SHF: variants seen among roughly 807,000 people sequenced by gnomAD.
SHF encodes Src homology 2 domain containing F.
In SHF, 30 loss-of-function variants were observed where a neutral mutation model predicts 42.4. The observed-to-expected ratio is 0.71, with a 90% confidence interval of 0.53 to 0.96. SHF has a LOEUF of 0.96. Among genes scored for constraint, SHF ranks in the 40% least tolerant of loss-of-function variants. The pLI, the probability that SHF is intolerant of heterozygous loss-of-function variation, is 0.00. For synonymous variants in SHF, 264 were observed against 269.9 expected, an observed-to-expected ratio of 0.98 and a Z score of 0.21; for missense variants, 598 against 634.0, an observed-to-expected ratio of 0.94 and a Z score of 0.61.
intron 4 of SHF, 82 bp downstream of exon 4, chr15:45,173,494 C>T (rs1897629927): frequency 7.0e-7 from 1 of 1,426,414 alleles, no homozygotes; most frequent in African/African-American, 1.4e-5. Flanking sequence ...TCCTGCCCCA[C>T]CTCTCAGCTC....
chr15:45,168,798 G>C (rs559160684), intron 6 of SHF, among the ~76,000 whole-genome samples: 81 of 152,282 alleles, frequency 5.3e-4, no homozygotes, highest in African/African-American at 1.9e-3. Context: ...TCACTCCCTT[G>C]CTCAGAGGAG....
At chr15:45,194,415 G>A (rs553403277) in intron 2 of SHF, among the ~76,000 whole-genome samples, 2 of 151,754 alleles carry the variant, frequency 1.3e-5, no homozygotes, top group South Asian at 4.2e-4. Flanking sequence ...GCAGTGGCGC[G>A]ATCTTGGCTC....
chr15:45,186,559 G>C (rs2141416006), intron 1 of SHF, among the ~76,000 whole-genome samples: 1 of 152,348 alleles, frequency 6.6e-6, no homozygotes, highest in East Asian at 1.9e-4. Flanking sequence ...GCCAGGGAGG[G>C]ATAAGGCCAA....
At position 45,168,051 on chromosome 15, in the gene SHF, T is replaced by C; in HGVS notation, c.1363A>G (p.Ser455Gly). ...YVLGQNSPPF[S>G]SVPEIVHHYA... ...TGGTGCACAATTTCAGGGACGCTGC[T>C]GAAGGGCGGGCTGTTCTGGCCCAGC... Residue 455 changes from serine (S) to glycine (G), a missense_variant, in exon 7 of 7, where the codon AGC (serine) becomes GGC (glycine). By Grantham distance (56) the Ser-to-Gly change is moderately conservative (BLOSUM62 0). Coordinates refer to ENST00000690270, the MANE Select transcript of SHF (RefSeq NM_001394037.1). 6.2e-7 allele frequency: 1 copy of C among 1,613,658 alleles called. No individual in the cohort carries two copies. Among genetic ancestry groups the C allele is most frequent in the Non-Finnish European group, 8.5e-7 (1 of 1,179,686 alleles).
upstream of SHF, among the ~76,000 whole-genome samples, chr15:45,188,942 C>T (rs1031242761): frequency 5.9e-5 from 9 of 152,054 alleles, no homozygotes; most frequent in African/African-American, 9.7e-5. Context: ...CCTGTAATCC[C>T]AGCACTTTGG....
intron 2 of SHF, among the ~76,000 whole-genome samples, chr15:45,176,626 A>G (rs1239583576): frequency 4.6e-5 from 7 of 152,100 alleles, no homozygotes; most frequent in African/African-American, 1.7e-4. Context: ...ATTTCCAGTC[A>G]TTTGGGTCCA....
At chr15:45,198,660 C>T (rs1025579058) in intron 2 of SHF, 23 of 1,397,650 alleles carry the variant, frequency 1.6e-5, no homozygotes, top group African/African-American at 7.2e-5. Flanking sequence ...AGAGTACTAA[C>T]CACTATACGA....
intron 1 of SHF, among the ~76,000 whole-genome samples, chr15:45,178,527 CTTCT>C (rs1567034406): frequency 2.1e-5 from 3 of 142,150 alleles, no homozygotes; most frequent in East Asian, 2.0e-4. Flanking sequence ...TACCTCTTTC[CTTCT>C]TTCTTTTTTT....
chr15:45,198,839 T>G (rs1263130200), exon 2 of SHF: 2 of 1,613,952 alleles, frequency 1.2e-6, no homozygotes, highest in Non-Finnish European at 1.7e-6. Context: ...CCAGTTGCTT[T>G]TCTTCTTCTG....
Position 45,171,999 on chromosome 15 carries a change from C to T in SHF, c.1164G>A (p.Trp388Ter). The change falls in exon 6 of 7, where the codon TGG (tryptophan) becomes TGA (stop). Residue 388 changes from tryptophan to a stop codon, truncating the protein, a stop_gained. Transcript: ENST00000690270. LOFTEE classifies it high-confidence loss of function. ...CGGTTCGGCTGATGGCCCCGTGATA[C>T]CAGCTAAGGATGAGAGAGAGGAAGG... ...DPALPLENQV[W>*]YHGAISRTDA... is the part of the protein sequence containing the mutation. The T allele has an allele frequency of 6.2e-7, 1 of 1,613,940 alleles. No homozygotes were observed. The highest frequency in any genetic ancestry group is 8.5e-7 in the Non-Finnish European group (1 of 1,179,862).
At chr15:45,179,549 C>T (rs1318189937) in intron 1 of SHF, among the ~76,000 whole-genome samples, 3 of 152,242 alleles carry the variant, frequency 2.0e-5, no homozygotes, top group East Asian at 3.8e-4. Flanking sequence ...GCAAACCACA[C>T]ACTCCGAAGA....
intron 1 of SHF, among the ~76,000 whole-genome samples, chr15:45,186,261 AT>A (rs1412426865): frequency 6.6e-6 from 1 of 152,214 alleles, no homozygotes; most frequent in Admixed American, 6.5e-5. Flanking sequence ...GGGAAAAATA[AT>A]TTGCATTCCT....
intron 1 of SHF, chr15:45,200,504 A>G (rs1018935374): frequency 1.1e-5 from 4 of 354,576 alleles, no homozygotes; most frequent in East Asian, 7.3e-5. Flanking sequence ...GGGACACAGG[A>G]CCTCGGCTTG....
intron 6 of SHF, among the ~76,000 whole-genome samples, chr15:45,169,157 G>T (rs1328597158): frequency 2.0e-5 from 3 of 152,226 alleles, no homozygotes; most frequent in Admixed American, 1.3e-4. Context: ...CAGTGAGGGA[G>T]CTGCCTCCAT....
chr15:45,200,917 A>C (rs924965983), exon 1 of SHF: 8 of 452,682 alleles, frequency 1.8e-5, no homozygotes, highest in Non-Finnish European at 3.5e-5. Flanking sequence ...CCGGCCTCAT[A>C]GGAATCCTTT....
chr15:45,175,888 G>C (rs948490408), intron 2 of SHF, among the ~76,000 whole-genome samples: 1 of 148,738 alleles, frequency 6.7e-6, no homozygotes, highest in Non-Finnish European at 1.5e-5. Flanking sequence ...GCACGATCTC[G>C]GCTCACTACA....
intron 1 of SHF, among the ~76,000 whole-genome samples, chr15:45,185,626 A>C (rs1898351667): frequency 6.6e-6 from 1 of 152,216 alleles, no homozygotes; most frequent in African/African-American, 2.4e-5. Flanking sequence ...TGTAGCTGAC[A>C]AAGGAGTCAG....
At chr15:45,195,408 G>A (rs1214702435) in intron 2 of SHF, among the ~76,000 whole-genome samples, 1 of 152,200 alleles carries the variant, frequency 6.6e-6, no homozygotes, top group African/African-American at 2.4e-5. Flanking sequence ...ACTTCTAAAT[G>A]TCAAACCTAA....
chr15:45,180,137 A>G (rs943425609), intron 1 of SHF, among the ~76,000 whole-genome samples: 5 of 152,148 alleles, frequency 3.3e-5, no homozygotes, highest in Non-Finnish European at 7.4e-5. Flanking sequence ...CCACTGGACT[A>G]TTCATATCTG....
Sources: gnomAD v4.1 joint callset for allele counts (sites outside exome capture counted in the v4.1 genomes callset) on GRCh38, gnomAD v4.1.1 for gene constraint, MANE v1.5 for transcripts, NCBI Gene and HGNC (gene_info 2026-07-23, HGNC 2026-07-21) for gene names.